The following AIF1L variants were observed in gnomAD, a reference collection of about 807,000 sequenced individuals.
AIF1L encodes the protein allograft inflammatory factor 1-like.
Under a neutral mutation model 20.7 loss-of-function variants are expected in AIF1L, and 12 were observed. The ratio of observed to expected loss-of-function variants is 0.58; its 90% CI spans 0.37 to 0.94. The LOEUF (loss-of-function observed/expected upper bound fraction) is 0.94, where lower values mean the gene tolerates loss of function less well. Ranked by LOEUF, AIF1L falls within the 40% of genes least tolerant of loss-of-function variation. AIF1L has a pLI of 0.01. For missense variants in AIF1L, 173 were observed against 185.3 expected (o/e 0.93, Z 0.39); for synonymous variants, 76 against 65.1 (o/e 1.17, Z -0.81).
intron 3 of AIF1L, 188 bp downstream of exon 3, chr9:131,111,851 C>A: frequency 1.9e-6 from 1 of 523,954 alleles, no homozygotes; most frequent in South Asian, 2.1e-5. Context: ...CCTCCACCTG[C>A]CTCCCTGCCC....
Position 131,120,622 on chromosome 9 carries a change from C to T in AIF1L, c.*300C>T, listed in dbSNP as rs1831115691. ...AGGGCCAGGGCAGGGAGGCTTCCAG[C>T]CTGTGTTCCCCTCACTTGGAGGAAC... On this transcript the variant is annotated 3_prime_UTR_variant, in exon 6 of 6. Transcript: ENST00000247291. 3 of 352,526 alleles carry T rather than the reference C, an allele frequency of 8.5e-6. No homozygotes were observed. Among genetic ancestry groups the T allele is most frequent in the Non-Finnish European group, 1.5e-5 (3 of 195,658 alleles). The allele number at this position is 352,526 out of a possible 1,614,324, so 21.8% of individuals were successfully genotyped here.
At position 131,104,459 on chromosome 9, in the gene AIF1L, A is replaced by G. The variant is rs909201401; in HGVS notation, c.94-7138A>G. ...CAGTATTGACTTTCTTTGCCCAGAA[A>G]CCTGCAGCCAGGCTACCTTCTTGTT... On this transcript the variant is annotated intron_variant, in intron 2 of 5. Transcript: ENST00000247291. Among the ~76,000 whole-genome samples, 18 of 152,098 alleles carry G rather than the reference A, an allele frequency of 1.2e-4. 1 individual carries two copies. The highest frequency in any genetic ancestry group is 3.3e-4 in the Admixed American group (5 of 15,266).
chr9:131,105,469 A>G (rs1379373117), intron 2 of AIF1L, among the ~76,000 whole-genome samples: 1 of 152,076 alleles, frequency 6.6e-6, no homozygotes, highest in Middle Eastern at 3.2e-3. Context: ...GGTTCAGACA[A>G]TTCTCCTGCC....
At chr9:131,119,123 G>A (rs911189710) in intron 5 of AIF1L, among the ~76,000 whole-genome samples, 23 of 152,228 alleles carry the variant, frequency 1.5e-4, no homozygotes, top group Admixed American at 6.5e-4. Context: ...CACCTACTAC[G>A]TGGTAGCACA....
chr9:131,115,855 T>C (rs534408420), intron 4 of AIF1L, among the ~76,000 whole-genome samples: 57 of 151,636 alleles, frequency 3.8e-4, no homozygotes, highest in African/African-American at 1.3e-3. Flanking sequence ...ATGCCTGTAA[T>C]CCCAGCTACT....
intron 2 of AIF1L, among the ~76,000 whole-genome samples, chr9:131,100,851 G>A (rs981082619): frequency 2.6e-5 from 4 of 152,204 alleles, no homozygotes; most frequent in Non-Finnish European, 4.4e-5. Context: ...GGCGCTCAGG[G>A]GACAGTGAGG....
At chr9:131,109,731 T>C (rs1481545650) in intron 2 of AIF1L, among the ~76,000 whole-genome samples, 7 of 152,252 alleles carry the variant, frequency 4.6e-5, no homozygotes, top group Admixed American at 4.6e-4. Flanking sequence ...GCACTGTATC[T>C]GGCAGGTGTT....
intron 5 of AIF1L, among the ~76,000 whole-genome samples, chr9:131,119,264 G>C (rs1831081396): frequency 6.6e-6 from 1 of 152,236 alleles, no homozygotes; most frequent in Non-Finnish European, 1.5e-5. Context: ...GCTTCGGGAG[G>C]CTGAGGCCGG....
At chr9:131,100,459 G>A (rs896065513) in intron 2 of AIF1L, among the ~76,000 whole-genome samples, 1 of 152,216 alleles carries the variant, frequency 6.6e-6, no homozygotes, top group Non-Finnish European at 1.5e-5. Context: ...GAGAAAACGA[G>A]ACTCAGAGAG....
rs1388053665 is a variant in AIF1L, at chr9:131,123,075, G to A, written c.*2753G>A. On this transcript the variant is annotated 3_prime_UTR_variant, in exon 6 of 6. Coordinates refer to ENST00000247291, the MANE Select transcript of AIF1L (RefSeq NM_031426.4). ...ATTCAGGTGGATGAAGTATGTGTGT[G>A]CGTGTGCATGGGAGTGTGCGTGGAC... The A allele has an allele frequency of 6.6e-6, 1 of 152,504 alleles. No homozygotes were observed. Among genetic ancestry groups the A allele is most frequent in the African/African-American group, 2.4e-5 (1 of 41,474 alleles). The allele number at this position is 152,504 out of a possible 1,614,324, so 9.4% of individuals were successfully genotyped here.
At chr9:131,112,097 G>A (rs1354355101) in intron 3 of AIF1L, 1 of 165,758 alleles carries the variant, frequency 6.0e-6, no homozygotes, top group African/African-American at 2.4e-5. Context: ...GTGGGGCAGG[G>A]GGGCAGAGTT....
chr9:131,102,825 A>T (rs1408641817), intron 2 of AIF1L: 1 of 453,532 alleles, frequency 2.2e-6, no homozygotes, highest in Non-Finnish European at 4.4e-6. Context: ...ACGCCCCGGC[A>T]TGGTGCTTCC....
chr9:131,107,304 GTC>G (rs1487666163), intron 2 of AIF1L, among the ~76,000 whole-genome samples: 1 of 152,212 alleles, frequency 6.6e-6, no homozygotes, highest in African/African-American at 2.4e-5. Context: ...GTCTGTGTCT[GTC>G]TGTGTGCAAT....
chr9:131,106,947 G>C (rs12684894), intron 2 of AIF1L, among the ~76,000 whole-genome samples: 34,489 of 151,962 alleles, frequency 0.23, 4,278 homozygotes, highest in East Asian at 0.33. Context: ...ACAAAAATTA[G>C]CTGGACGTGT....
intron 2 of AIF1L, among the ~76,000 whole-genome samples, chr9:131,108,617 A>G (rs1830804995): frequency 1.3e-5 from 2 of 152,236 alleles, no homozygotes; most frequent in South Asian, 4.1e-4. Context: ...TGTCTGCTAC[A>G]GCCAATGTTT....
chr9:131,112,842 C>A (rs1443565114), intron 3 of AIF1L, among the ~76,000 whole-genome samples: 1 of 152,150 alleles, frequency 6.6e-6, no homozygotes, highest in South Asian at 2.1e-4. Flanking sequence ...TGCATACCAG[C>A]GTGGCCACTC....
At chr9:131,118,725 T>G (rs1831069190) in intron 5 of AIF1L, among the ~76,000 whole-genome samples, 3 of 151,866 alleles carry the variant, frequency 2.0e-5, no homozygotes, top group Admixed American at 6.6e-5. Context: ...TTTTGTATTT[T>G]TAGTAGAAAT....
Position 131,117,849 on chromosome 9 carries a change from T to C in AIF1L, c.296T>C (p.Val99Ala). 3 of 1,613,740 alleles carry C rather than the reference T, an allele frequency of 1.9e-6. No homozygotes were observed. The highest frequency in any genetic ancestry group is 8.5e-7 in the Non-Finnish European group (1 of 1,179,924). The change falls in exon 5 of 6, where the codon GTC becomes GCC. Residue 99 changes from valine to alanine, a missense_variant. Transcript: ENST00000247291. ...ATGATCTCAGAGGTGACAGGAGGGG[T>C]CAGTGACACTATATCCTACCGAGAC... ...KKMISEVTGG[V>A]SDTISYRDFV...
Position 131,121,455 on chromosome 9 carries a change from G to C in AIF1L, c.*1133G>C. On this transcript the variant is annotated 3_prime_UTR_variant, in exon 6 of 6. Coordinates refer to ENST00000247291, the MANE Select transcript of AIF1L (RefSeq NM_031426.4). The stretch of plus-strand genomic sequence containing the variant: ...GGGGTCACCTGTGTCCTTTCTTATG[G>C]ACTCGCAGGATTTTAGAACCCTAAT... 4.2e-6 allele frequency: 1 copy of C among 239,990 alleles called. No individual in the cohort carries two copies. Among genetic ancestry groups the C allele is most frequent in the Non-Finnish European group, 8.0e-6 (1 of 124,618 alleles). 14.9% of individuals were successfully genotyped at this position (239,990 alleles called of 1,614,324 possible). A position where few individuals can be genotyped will look rare whatever the true frequency, so the allele number is the denominator to read the frequency against.
Sources: gnomAD v4.1 joint callset for allele counts (sites outside exome capture counted in the v4.1 genomes callset) on GRCh38, gnomAD v4.1.1 for gene constraint, MANE v1.5 for transcripts, NCBI Gene and HGNC (gene_info 2026-07-23, HGNC 2026-07-21) for gene names.